LIMK1: variants seen among roughly 807,000 people sequenced by gnomAD.
LIMK1 encodes the protein LIM domain kinase 1.
Under a neutral mutation model 77.6 loss-of-function variants are expected in LIMK1, and 21 were observed. The observed-to-expected ratio is 0.27, with a 90% CI of 0.19 to 0.39. LIMK1 has a LOEUF of 0.39. LIMK1 is among the 10% of genes least tolerant of loss of function. LIMK1 has a pLI of 1.00. For missense variants in LIMK1, 696 were observed against 901.6 expected (o/e 0.77, Z 2.92); for synonymous variants, 358 against 370.0 (o/e 0.97, Z 0.37).
intron 4 of LIMK1, among the ~76,000 whole-genome samples, chr7:74,098,562 G>C (rs1290609749): frequency 6.6e-6 from 1 of 152,154 alleles, no homozygotes; most frequent in African/African-American, 2.4e-5. Context: ...AGAAAAGAAA[G>C]CTGGCCAGGT....
chr7:74,105,160 G>A (rs1799542056), intron 5 of LIMK1, among the ~76,000 whole-genome samples: 1 of 152,096 alleles, frequency 6.6e-6, no homozygotes, highest in South Asian at 2.1e-4. Context: ...CACCATGTTG[G>A]CCAGGCTGGT....
In LIMK1 at chr7:74,121,260, G is replaced by A. The variant is rs782707234; in HGVS notation, c.1903G>A (p.Gly635Ser). The A allele has an allele frequency of 1.5e-5, 24 of 1,611,624 alleles. No individual in the cohort carries two copies. Among genetic ancestry groups the A allele is most frequent in the East Asian group, 1.3e-4 (6 of 44,846 alleles). The change falls in exon 16 of 16, where the codon GGC becomes AGC. Residue 635 changes from glycine to serine, a missense_variant. Gly to Ser is a moderately conservative substitution (Grantham distance 56, BLOSUM62 0). Transcript: ENST00000336180. Reference protein sequence around the residue: ...DRGFWETYRRGESGLPAHPEV... With the variant: ...DRGFWETYRRSESGLPAHPEV... ...AGGTTTCTGGGAGACCTACCGGCGC[G>A]GCGAGAGCGGACTGCCTGCCCACCC...
chr7:74,083,998 T>A lies in LIMK1; in HGVS notation c.8T>A (p.Leu3Ter). 6.8e-7 allele frequency: 1 copy of A among 1,459,874 alleles called. No individual in the cohort carries two copies. The highest frequency in any genetic ancestry group is 9.1e-7 in the Non-Finnish European group (1 of 1,096,312). 90.4% of individuals were successfully genotyped at this position (1,459,874 alleles called of 1,614,324 possible). ...CCGCCCCCCGTCGAGTGCATGAGGT[T>A]GACGCTACTTTGTTGCACCTGGAGG... MR[L>*]TLLCCTWREE... The change falls in exon 1 of 16, where the codon TTG becomes TAG. Residue 3 changes from leucine (L) to a stop codon, truncating the protein, a stop_gained. Transcript: ENST00000336180. LOFTEE classifies it high-confidence loss of function.
Position 74,107,919 on chromosome 7 carries a change from C to A in LIMK1, c.1114C>A (p.Arg372=). The A allele has an allele frequency of 6.3e-7, 1 of 1,577,642 alleles. No individual in the cohort carries two copies. Among genetic ancestry groups the A allele is most frequent in the East Asian group, 2.3e-5 (1 of 43,306 alleles). The change falls in exon 9 of 16, where the codon CGG becomes AGG. Residue 372 remains arginine (R), a synonymous_variant. Transcript: ENST00000336180. ...GEVMVMKELI[R]FDEETQRTFL... is the part of the protein sequence containing the mutation. ...GGTGATGGTGATGAAGGAGCTGATC[C>A]GGTTCGACGAGGAGACCCAGAGGAC...
intron 10 of LIMK1, 161 bp downstream of exon 10, chr7:74,109,197 A>G (rs1554698261): frequency 1.5e-6 from 1 of 646,508 alleles, no homozygotes; most frequent in South Asian, 1.6e-5. Context: ...GACTGACTCC[A>G]TCTAAAGCTA....
intron 2 of LIMK1, among the ~76,000 whole-genome samples, chr7:74,095,767 C>T (rs76739920): frequency 2.6e-5 from 4 of 152,048 alleles, no homozygotes; most frequent in East Asian, 1.9e-4. Context: ...CCCACCCCAC[C>T]GGGATGCTTG....
chr7:74,093,358 G>T (rs1407356414), intron 2 of LIMK1: 1 of 1,528,574 alleles, frequency 6.5e-7, no homozygotes, highest in Non-Finnish European at 8.8e-7. Flanking sequence ...CCTGGTGTAA[G>T]GCCTGGGGCT....
In LIMK1 at chr7:74,111,725, T is replaced by C. The variant is rs201596486; in HGVS notation, c.1344+18T>C. On this transcript the variant is annotated intron_variant, in intron 11 of 15. Transcript: ENST00000336180. ...CAGGGATGGTGAGTGAGCCGGGTGC[T>C]CTAGCTCCATTCATAATCCCACCAG... 3.2e-5 allele frequency: 51 copies of C among 1,609,228 alleles called. No homozygotes were observed. The highest frequency in any genetic ancestry group is 6.7e-5 in the Admixed American group (4 of 59,456).
chr7:74,120,452 G>T (rs1215870023), intron 13 of LIMK1, 131 bp from the exon 14 acceptor site: 1 of 886,146 alleles, frequency 1.1e-6, no homozygotes, highest in Non-Finnish European at 1.9e-6. Flanking sequence ...TCCCATAGAG[G>T]TTGCCGGCAT....
intron 5 of LIMK1, among the ~76,000 whole-genome samples, chr7:74,103,563 G>A (rs1233949340): frequency 6.6e-6 from 1 of 152,150 alleles, no homozygotes; most frequent in East Asian, 1.9e-4. Flanking sequence ...TTTCTGTACT[G>A]TAAGGATTTT....
chr7:74,098,956 G>T (rs1423473280), intron 4 of LIMK1, 76 bp from the exon 5 acceptor site: 5 of 1,228,718 alleles, frequency 4.1e-6, no homozygotes, highest in Non-Finnish European at 5.8e-6. Context: ...AAGAGCCTGG[G>T]GCTGGGGGCT....
At chr7:74,099,591 A>G (rs1799413811) in intron 5 of LIMK1, among the ~76,000 whole-genome samples, 1 of 152,068 alleles carries the variant, frequency 6.6e-6, no homozygotes, top group African/African-American at 2.4e-5. Context: ...GTAGCCAGGC[A>G]TGGTAGTGTG....
intron 12 of LIMK1, 129 bp downstream of exon 12, chr7:74,112,127 G>C (rs377234822): frequency 2.7e-6 from 2 of 743,214 alleles, no homozygotes; most frequent in Non-Finnish European, 4.4e-6. Context: ...TGAGGTGGGG[G>C]TGGGGGGCAG....
At chr7:74,114,997 G>A (rs1180888033) in intron 12 of LIMK1, among the ~76,000 whole-genome samples, 1 of 152,098 alleles carries the variant, frequency 6.6e-6, no homozygotes, top group African/African-American at 2.4e-5. Context: ...GCTGAGGCAG[G>A]TGGACCACTT....
chr7:74,087,391 G>A (rs1372692279), intron 2 of LIMK1, among the ~76,000 whole-genome samples: 1 of 152,074 alleles, frequency 6.6e-6, no homozygotes, highest in Non-Finnish European at 1.5e-5. Flanking sequence ...GCAATAGAGC[G>A]AGACCCAGTC....
chr7:74,121,086 G>A (rs782318656), intron 15 of LIMK1, 37 bp downstream of exon 15: 2 of 1,597,536 alleles, frequency 1.3e-6, no homozygotes, highest in South Asian at 1.1e-5. Context: ...GAGACGGTGG[G>A]GCCGATTCCC....
At chr7:74,096,794 G>A in intron 3 of LIMK1, 34 bp downstream of exon 3, 2 of 1,555,558 alleles carry the variant, frequency 1.3e-6, no homozygotes, top group Non-Finnish European at 1.7e-6. Context: ...CTCACCTGGG[G>A]TGGGGGTATC....
rs1205964636 is a variant in LIMK1 at position 74,121,380 on chromosome 7, C to T, written c.*79C>T. On this transcript the variant is annotated 3_prime_UTR_variant, in exon 16 of 16. Transcript: ENST00000336180. The stretch of plus-strand genomic sequence containing the variant: ...AGATTCCTCCGCGGGAGGTGGCCCT[C>T]AGCTGGGACAGTGGGGACCCAGGCT... The T allele has an allele frequency of 2.0e-5, 27 of 1,364,598 alleles. No individual in the cohort carries two copies. In the East Asian group the frequency reaches 6.3e-4, roughly 32 times the overall value. 84.5% of individuals were successfully genotyped at this position (1,364,598 alleles called of 1,614,324 possible).
At chr7:74,108,572 C>T (rs556335636) in intron 9 of LIMK1, among the ~76,000 whole-genome samples, 1 of 151,134 alleles carries the variant, frequency 6.6e-6, no homozygotes, top group Non-Finnish European at 1.5e-5. Flanking sequence ...TTCTTGAACT[C>T]AGGAGGCGGA....
Sources: allele counts gnomAD v4.1 joint callset (sites outside exome capture counted in the v4.1 genomes callset), GRCh38; gene constraint gnomAD v4.1.1; transcripts MANE v1.5; gene names NCBI Gene and HGNC (gene_info 2026-07-23, HGNC 2026-07-21).